Variants in RAB27A observed in about 807,000 individuals in gnomAD.
The protein encoded by RAB27A is RAB27A, member RAS oncogene family.
Under a neutral mutation model 20.8 loss-of-function variants are expected in RAB27A, and 17 were observed. The ratio of observed to expected loss-of-function variants is 0.82; its 90% CI spans 0.56 to 1.23. The LOEUF (loss-of-function observed/expected upper bound fraction) is 1.23, where lower values mean the gene tolerates loss of function less well. Ranked by LOEUF, RAB27A falls within the 50% of genes most tolerant of loss-of-function variation. RAB27A has a pLI of 0.00. For synonymous variants in RAB27A, 85 were observed against 92.8 expected, an observed-to-expected ratio of 0.92 and a Z score of 0.48; for missense variants, 277 against 266.7, an observed-to-expected ratio of 1.04 and a Z score of -0.27.
rs777141237 is a variant in RAB27A at position 55,205,728 on chromosome 15, G to T, written c.468-23C>A. 5 of 1,576,364 alleles carry T rather than the reference G, an allele frequency of 3.2e-6. No homozygotes were observed. The African/African-American group carries it at 4.1e-5, about 13-fold the overall frequency. ...ATTCTGGAAGACAGAGACAACTGAG[G>T]TAACAACATGTGGAGGGAAAGGAGA... is the stretch of plus-strand genomic sequence containing the variant. On this transcript the variant is annotated intron_variant, in intron 6 of 6. Transcript: ENST00000336787.
chr15:55,225,340 A>C (rs1039444324), intron 5 of RAB27A, among the ~76,000 whole-genome samples: 1 of 152,196 alleles, frequency 6.6e-6, no homozygotes, highest in African/African-American at 2.4e-5. Flanking sequence ...TGACTGCCTC[A>C]ATTTCCCCAT....
intron 2 of RAB27A, among the ~76,000 whole-genome samples, chr15:55,257,512 C>T (rs558546045): frequency 6.6e-6 from 1 of 152,312 alleles, no homozygotes; most frequent in South Asian, 2.1e-4. Flanking sequence ...AACTCAGTTT[C>T]CAGATACTAT....
intron 2 of RAB27A, among the ~76,000 whole-genome samples, chr15:55,243,318 G>C (rs943655108): frequency 2.0e-5 from 3 of 152,108 alleles, no homozygotes; most frequent in African/African-American, 4.8e-5. Context: ...CTGTAGAATT[G>C]CTCGGCCCCG....
chr15:55,302,247 C>G (rs569352267), intron 2 of RAB27A, among the ~76,000 whole-genome samples: 2 of 151,932 alleles, frequency 1.3e-5, no homozygotes, highest in Non-Finnish European at 2.9e-5. Flanking sequence ...CCACGCCTGA[C>G]TGGTTTTGGT....
At chr15:55,255,897 A>G (rs920792396) in intron 2 of RAB27A, among the ~76,000 whole-genome samples, 2 of 152,164 alleles carry the variant, frequency 1.3e-5, no homozygotes, top group Admixed American at 6.5e-5. Flanking sequence ...AAGGGGCTTC[A>G]AGTCAAAAGA....
At chr15:55,303,045 C>A (rs1488396810) in intron 2 of RAB27A, among the ~76,000 whole-genome samples, 29 of 146,230 alleles carry the variant, frequency 2.0e-4, no homozygotes, top group Admixed American at 1.5e-3. Flanking sequence ...GGGGATCAGC[C>A]CCCCCGCCCG....
intron 5 of RAB27A, among the ~76,000 whole-genome samples, chr15:55,224,311 A>T (rs894597881): frequency 1.3e-5 from 2 of 152,264 alleles, no homozygotes; most frequent in Non-Finnish European, 2.9e-5. Flanking sequence ...ACACACACAC[A>T]TACAAAACAC....
intron 6 of RAB27A, among the ~76,000 whole-genome samples, chr15:55,219,508 A>G (rs1654823785): frequency 6.6e-6 from 1 of 152,178 alleles, no homozygotes; most frequent in Non-Finnish European, 1.5e-5. Flanking sequence ...ACATCTAGAA[A>G]CTGATCATCA....
At chr15:55,275,043 G>A (rs1470896970) in intron 1 of RAB27A, among the ~76,000 whole-genome samples, 2 of 151,474 alleles carry the variant, frequency 1.3e-5, no homozygotes, top group Non-Finnish European at 2.9e-5. Flanking sequence ...TTGAGGTCAC[G>A]AGTTCAAGAC....
At chr15:55,291,657 G>A (rs940904897), upstream of RAB27A, among the ~76,000 whole-genome samples, 1 of 151,896 alleles carries the variant, frequency 6.6e-6, no homozygotes, top group African/African-American at 2.4e-5. Context: ...ATGGCACAGG[G>A]AAAGCCTGCC....
chr15:55,246,812 C>T (rs1416124029), intron 2 of RAB27A, among the ~76,000 whole-genome samples: 3 of 152,012 alleles, frequency 2.0e-5, no homozygotes, highest in African/African-American at 4.8e-5. Flanking sequence ...AAGAAGCAAG[C>T]AGTCTCCAAG....
At chr15:55,218,350 G>GT (rs1895411576) in intron 6 of RAB27A, among the ~76,000 whole-genome samples, 1 of 152,198 alleles carries the variant, frequency 6.6e-6, no homozygotes, top group Admixed American at 6.5e-5. Context: ...AATCAGTCTT[G>GT]TATGTTTGAC....
upstream of RAB27A, among the ~76,000 whole-genome samples, chr15:55,291,078 T>G (rs1249023446): frequency 6.6e-6 from 1 of 152,188 alleles, no homozygotes; most frequent in East Asian, 1.9e-4. Context: ...AGTTGGCAAT[T>G]TCATACATTT....
chr15:55,209,864 A>G lies in RAB27A; in HGVS notation c.468-4159T>C, dbSNP rs1451718538. ...TGTACACATATATGTGTGTATATAC[A>G]TATATACATATATGTGTGTGTATAC... On this transcript the variant is annotated intron_variant, in intron 6 of 6. Coordinates refer to ENST00000336787, the MANE Select transcript of RAB27A (RefSeq NM_183235.3). 3.7e-3 allele frequency among the ~76,000 whole-genome samples: 38 copies of G among 10,266 alleles called. 4 individuals are homozygous for G. The highest frequency in any genetic ancestry group is 5.6e-3 in the African/African-American group (38 of 6,836). The allele number at this position is 10,266 out of a possible 152,430, so 6.7% of individuals were successfully genotyped here.
rs1241959536 is a variant in RAB27A at position 55,274,738 on chromosome 15, A to T, written c.-142-4454T>A. Among the ~76,000 whole-genome samples, 3 of 144,930 alleles carry T rather than the reference A, an allele frequency of 2.1e-5. No individual in the cohort carries two copies. The East Asian group carries it at 6.0e-4, about 29-fold the overall frequency. ...AGTTGCAGTGAGCTGAGATTGCACC[A>T]CTGCACTCCAGCCTGGGTGACACAG... On this transcript the variant is annotated intron_variant, in intron 1 of 6. Coordinates refer to ENST00000336787, the MANE Select transcript of RAB27A (RefSeq NM_183235.3).
intron 1 of RAB27A, among the ~76,000 whole-genome samples, chr15:55,277,174 T>C (rs1309272066): frequency 6.6e-6 from 1 of 152,180 alleles, no homozygotes; most frequent in Non-Finnish European, 1.5e-5. Flanking sequence ...TATCAATAGA[T>C]AATGACTAAA....
intron 1 of RAB27A, among the ~76,000 whole-genome samples, chr15:55,277,485 G>A (rs1897907296): frequency 6.6e-6 from 1 of 152,142 alleles, no homozygotes; most frequent in Non-Finnish European, 1.5e-5. Flanking sequence ...CCTGACTGCT[G>A]TATTTATTTC....
At position 55,312,653 on chromosome 15, in the gene RAB27A, GA is replaced by G. The variant is rs879338815; in HGVS notation, c.-112+1385del. Among the ~76,000 whole-genome samples the G allele has an allele frequency of 4.0e-3, 586 of 145,996 alleles. 3 individuals are homozygous for G. Among genetic ancestry groups the G allele is most frequent in the Non-Finnish European group, 6.4e-3 (426 of 66,062 alleles). On this transcript the variant is annotated intron_variant, in intron 2 of 5. Coordinates refer to the RAB27A transcript ENST00000563262. Reference sequence around the variant, plus strand: ...TCAACGAATGCAATATCTTCACCAGGAAAAAAAAAAACTCAGCCTCTGGCAC... The same window carrying G: ...TCAACGAATGCAATATCTTCACCAGGAAAAAAAAAACTCAGCCTCTGGCAC...
At position 55,284,088 on chromosome 15, in the gene RAB27A, A is replaced by T. The variant is rs190316030; in HGVS notation, c.-143+5628T>A. ...ATGAATTAACCAATGAAACTATGAAAAAACAAGATTAGTGGTTCTGAAATA... is the reference window on the plus strand; with the variant it reads ...ATGAATTAACCAATGAAACTATGAATAAACAAGATTAGTGGTTCTGAAATA... On this transcript the variant is annotated intron_variant, in intron 1 of 6. Coordinates refer to ENST00000336787, the MANE Select transcript of RAB27A (RefSeq NM_183235.3). 1.2e-4 allele frequency among the ~76,000 whole-genome samples: 18 copies of T among 152,372 alleles called. 1 individual carries two copies. The highest frequency in any genetic ancestry group is 4.6e-4 in the Admixed American group (7 of 15,304).
Sources: allele counts gnomAD v4.1 joint callset (sites outside exome capture counted in the v4.1 genomes callset), GRCh38; gene constraint gnomAD v4.1.1; transcripts MANE v1.5; gene names NCBI Gene and HGNC (gene_info 2026-07-23, HGNC 2026-07-21).